The following CLASP2 variants were observed in gnomAD, a reference collection of about 807,000 sequenced individuals.
CLASP2 encodes cytoplasmic linker associated protein 2.
A neutral mutation model predicts 194.4 loss-of-function variants in CLASP2; 47 were observed. The observed-to-expected ratio is 0.24, with a 90% CI of 0.19 to 0.31. CLASP2 has a LOEUF of 0.31. Ranked by LOEUF, CLASP2 falls within the 10% of genes least tolerant of loss-of-function variation. The pLI is 1.00. For synonymous variants in CLASP2, 619 were observed against 633.5 expected, an observed-to-expected ratio of 0.98 and a Z score of 0.34; for missense variants, 1,445 against 1,823.6, an observed-to-expected ratio of 0.79 and a Z score of 3.78.
At chr3:33,708,546 A>G (rs774261759) in intron 1 of CLASP2, among the ~76,000 whole-genome samples, 8 of 2,890 alleles carry the variant, frequency 2.8e-3, no homozygotes, top group East Asian at 0.071. Flanking sequence ...GTATATATGT[A>G]TATATATATA....
At chr3:33,585,039 T>TAAG in intron 21 of CLASP2, 119 bp from the exon 22 acceptor site, 1 of 811,026 alleles carries the variant, frequency 1.2e-6, no homozygotes, top group East Asian at 2.8e-5. Flanking sequence ...TGGCAGGTTC[T>TAAG]ACGCTCAAAG....
At chr3:33,688,229 A>G (rs1227859545) in intron 4 of CLASP2, 48 bp downstream of exon 4, 2 of 1,407,188 alleles carry the variant, frequency 1.4e-6, no homozygotes, top group Non-Finnish European at 1.9e-6. Flanking sequence ...GGTTTTTTTT[A>G]GAGAAATAAA....
chr3:33,560,446 T>G lies in CLASP2; in HGVS notation c.2930+362A>C, dbSNP rs554705121. ...TTAGTAGAGATATGGTTTCACCATG[T>G]TGACCAGGCTGGTCTCGAACTCCTG... On this transcript the variant is annotated intron_variant, in intron 28 of 38. Coordinates refer to ENST00000682230, the MANE Select transcript of CLASP2 (RefSeq NM_001365631.1). Among the ~76,000 whole-genome samples the G allele has an allele frequency of 2.0e-5, 3 of 152,224 alleles. No homozygotes were observed. The South Asian group carries it at 6.2e-4, about 32-fold the overall frequency.
At chr3:33,609,499 C>T (rs1662212819) in intron 13 of CLASP2, among the ~76,000 whole-genome samples, 1 of 152,066 alleles carries the variant, frequency 6.6e-6, no homozygotes, top group African/African-American at 2.4e-5. Flanking sequence ...TCAGTTTCTT[C>T]AACTGTCTCA....
intron 21 of CLASP2, among the ~76,000 whole-genome samples, chr3:33,591,437 AC>A (rs1424647446): frequency 6.6e-6 from 1 of 152,074 alleles, no homozygotes; most frequent in East Asian, 1.9e-4. Flanking sequence ...ACACAGCAAG[AC>A]CCCATCTCTT....
chr3:33,539,356 C>A (rs895560303), intron 32 of CLASP2, among the ~76,000 whole-genome samples: 4 of 151,002 alleles, frequency 2.6e-5, no homozygotes, highest in African/African-American at 9.7e-5. Context: ...TTTTTGGAGA[C>A]GAAATCTCAC....
In CLASP2 at chr3:33,687,046, A is replaced by C. The variant is rs1041392776; in HGVS notation, c.546+14T>G. On this transcript the variant is annotated intron_variant, in intron 5 of 38. Coordinates refer to ENST00000682230, the MANE Select transcript of CLASP2 (RefSeq NM_001365631.1). ...AAAAAATCAGTCAATGCTTGAATGTAAATAAAATTTTACCTGACTGTTGGA... is the reference window on the plus strand; with the variant it reads ...AAAAAATCAGTCAATGCTTGAATGTCAATAAAATTTTACCTGACTGTTGGA... 6.7e-7 allele frequency: 1 copy of C among 1,493,714 alleles called. No individual in the cohort carries two copies. 92.5% of individuals were successfully genotyped at this position (1,493,714 alleles called of 1,614,324 possible).
At chr3:33,531,135 T>C (rs1387741060) in intron 34 of CLASP2, among the ~76,000 whole-genome samples, 3 of 151,802 alleles carry the variant, frequency 2.0e-5, no homozygotes, top group Non-Finnish European at 2.9e-5. Context: ...GACAGACACA[T>C]AGAACAAGAA....
intron 3 of CLASP2, 33 bp downstream of exon 3, chr3:33,689,796 T>C (rs1575607523): frequency 2.8e-6 from 4 of 1,446,690 alleles, no homozygotes; most frequent in Non-Finnish European, 3.7e-6. Flanking sequence ...TGATTACCAT[T>C]AGCAAAATCT....
chr3:33,557,201 T>C (rs2061103644), intron 29 of CLASP2, among the ~76,000 whole-genome samples: 1 of 152,048 alleles, frequency 6.6e-6, no homozygotes, highest in Non-Finnish European at 1.5e-5. Flanking sequence ...CTCAAACTCC[T>C]GACCTCAAGT....
chr3:33,552,840 T>C (rs768048137), intron 29 of CLASP2, among the ~76,000 whole-genome samples: 5 of 152,176 alleles, frequency 3.3e-5, no homozygotes, highest in Non-Finnish European at 5.9e-5. Flanking sequence ...TTTGAATACT[T>C]TGACCTACAT....
chr3:33,543,609 C>A (rs933824171), intron 31 of CLASP2, 70 bp from the exon 32 acceptor site: 45 of 893,592 alleles, frequency 5.0e-5, no homozygotes, highest in Middle Eastern at 2.2e-4. Context: ...CTTAAGGAAG[C>A]CACACAAACA....
intron 23 of CLASP2, among the ~76,000 whole-genome samples, chr3:33,576,880 A>T (rs1159772103): frequency 6.6e-6 from 1 of 151,970 alleles, no homozygotes; most frequent in Non-Finnish European, 1.5e-5. Flanking sequence ...ATTTACAATT[A>T]AAACACTTCA....
At chr3:33,501,792 G>A in intron 37 of CLASP2, 24 bp from the exon 38 acceptor site, 1 of 1,475,406 alleles carries the variant, frequency 6.8e-7, no homozygotes, top group Non-Finnish European at 9.5e-7. Flanking sequence ...TCCACTGTTA[G>A]TACTCCAGAG....
chr3:33,579,064 G>A (rs2065480030), intron 23 of CLASP2, among the ~76,000 whole-genome samples: 1 of 152,096 alleles, frequency 6.6e-6, no homozygotes, highest in African/African-American at 2.4e-5. Context: ...TAATCTCTGG[G>A]AATGCTACCT....
intron 11 of CLASP2, 126 bp from the exon 12 acceptor site, chr3:33,619,864 AG>A (rs1184458474): frequency 1.3e-5 from 10 of 741,640 alleles, no homozygotes; most frequent in Non-Finnish European, 1.9e-5. Context: ...TTGTAATGGC[AG>A]AAAAACAGAA....
intron 7 of CLASP2, among the ~76,000 whole-genome samples, chr3:33,649,775 C>T (rs2082880192): frequency 6.6e-6 from 1 of 152,098 alleles, no homozygotes; most frequent in Admixed American, 6.5e-5. Flanking sequence ...TTCCTATAGT[C>T]AATTCCTTTC....
chr3:33,539,462 G>C (rs1278175705), intron 32 of CLASP2, among the ~76,000 whole-genome samples: 4 of 151,840 alleles, frequency 2.6e-5, no homozygotes. Flanking sequence ...AGCCTCCCGA[G>C]TAGCTGGGAT....
intron 21 of CLASP2, among the ~76,000 whole-genome samples, chr3:33,591,833 T>C (rs562422877): frequency 6.2e-4 from 94 of 152,334 alleles, no homozygotes; most frequent in Non-Finnish European, 1.1e-3. Context: ...TAAATTAGTA[T>C]ATACCTGCCA....
Sources: gnomAD v4.1 joint callset for allele counts (sites outside exome capture counted in the v4.1 genomes callset) on GRCh38, gnomAD v4.1.1 for gene constraint, MANE v1.5 for transcripts, NCBI Gene and HGNC (gene_info 2026-07-23, HGNC 2026-07-21) for gene names.